The following NPC1L1 variants were observed in gnomAD, a reference collection of about 807,000 sequenced individuals.
NPC1L1 encodes the protein NPC1 like intracellular cholesterol transporter 1.
Under a neutral mutation model 117.0 loss-of-function variants are expected in NPC1L1, and 98 were observed. The ratio of observed to expected loss-of-function variants is 0.84; its 90% CI spans 0.71 to 0.99. The LOEUF is 0.99. NPC1L1 is among the 50% of genes least tolerant of loss of function. The pLI, the probability that NPC1L1 is intolerant of heterozygous loss-of-function variation, is 0.00. For missense variants in NPC1L1, 1,540 were observed against 1,710.0 expected (o/e 0.90, Z 1.75); for synonymous variants, 729 against 727.6 (o/e 1.00, Z -0.03).
Position 44,539,596 on chromosome 7 carries a change from G to A in NPC1L1, c.801C>T (p.Ala267=), listed in dbSNP as rs114969055. ...AGGTGGAGTCGAGGGCCTGGGGGCG[G>A]GCTATGGCAGGACAGGATGCAGCAC... ...QDCAASCPAI[A]RPQALDSTFY... is the part of the protein sequence containing the mutation. The change falls in exon 2 of 19, where the codon GCC becomes GCT. Residue 267 remains alanine (A), a synonymous_variant. Transcript: ENST00000381160. This position sits in a 1 kb window ranked among gnomAD's most constrained non-coding sequence, Gnocchi z 4.4. 211 of 1,613,972 alleles carry A rather than the reference G, an allele frequency of 1.3e-4. No individual in the cohort carries two copies. In the East Asian group the frequency reaches 3.0e-3, roughly 23 times the overall value.
At chr7:44,530,260 C>A (rs932654744) in intron 10 of NPC1L1, among the ~76,000 whole-genome samples, 1 of 152,068 alleles carries the variant, frequency 6.6e-6, no homozygotes, top group Non-Finnish European at 1.5e-5. Flanking sequence ...ATCACTTGAA[C>A]CCGGGAGGCG....
Position 44,513,099 on chromosome 7 carries a change from C to T in NPC1L1, c.*348G>A, listed in dbSNP as rs1050301284. The stretch of plus-strand genomic sequence containing the variant: ...AGAATTAAGACTTTCGAGAGAGGAA[C>T]TGAGAAGGGAAAAGTTGGATGAGAA... On this transcript the variant is annotated 3_prime_UTR_variant, in exon 19 of 19. Coordinates refer to ENST00000381160, the MANE Select transcript of NPC1L1 (RefSeq NM_001101648.2). The T allele has an allele frequency of 1.0e-4, 39 of 376,958 alleles. 2 individuals are homozygous for T. Among genetic ancestry groups the T allele is most frequent in the Non-Finnish European group, 5.1e-6 (1 of 196,126 alleles). 23.4% of individuals were successfully genotyped at this position (376,958 alleles called of 1,614,324 possible).
At position 44,536,797 on chromosome 7, in the gene NPC1L1, A is replaced by G. The variant is rs752104782; in HGVS notation, c.1681+45T>C. ...CCTCCCGTCTATGGTTCCTGCCCCA[A>G]TACTGCATCTTCCTTGGCTTCCTCT... On this transcript the variant is annotated intron_variant, in intron 3 of 18. Transcript: ENST00000381160. The surrounding 1 kb of genome is among the most constrained non-coding windows in gnomAD (Gnocchi z 4.7). 5.9e-6 allele frequency: 9 copies of G among 1,525,372 alleles called. No individual in the cohort carries two copies. The highest frequency in any genetic ancestry group is 8.2e-6 in the Non-Finnish European group (9 of 1,099,468). The allele number at this position is 1,525,372 out of a possible 1,614,324, so 94.5% of individuals were successfully genotyped here.
chr7:44,531,567 T>G (rs1295829498), intron 10 of NPC1L1, among the ~76,000 whole-genome samples, 188 bp downstream of exon 10: 1 of 152,184 alleles, frequency 6.6e-6, no homozygotes, highest in African/African-American at 2.4e-5. Flanking sequence ...GGCACCTGGC[T>G]GTTGTGCTGT....
At chr7:44,532,029 C>T (rs41279627) in intron 9 of NPC1L1, 51 bp downstream of exon 9, 69,795 of 1,613,360 alleles carry the variant, frequency 0.043, 1,717 homozygotes, top group Middle Eastern at 0.062. Flanking sequence ...CTCCCTGAGG[C>T]GAGGTCCCCA....
rs1453016692 is a variant in NPC1L1, at chr7:44,513,340, C to T, written c.*107G>A. 2 of 1,095,926 alleles carry T rather than the reference C, an allele frequency of 1.8e-6. No homozygotes were observed. Among genetic ancestry groups the T allele is most frequent in the Non-Finnish European group, 2.8e-6 (2 of 721,378 alleles). 67.9% of individuals were successfully genotyped at this position (1,095,926 alleles called of 1,614,324 possible). ...GTGACAGGCAGTCTCATGGGAATGG[C>T]CTCCCCTAGGATTTGAGGAGGGCGT... On this transcript the variant is annotated 3_prime_UTR_variant, in exon 19 of 19. Coordinates refer to ENST00000381160, the MANE Select transcript of NPC1L1 (RefSeq NM_001101648.2).
intron 10 of NPC1L1, among the ~76,000 whole-genome samples, chr7:44,531,228 T>A (rs1801689925): frequency 1.3e-5 from 2 of 152,138 alleles, no homozygotes; most frequent in Non-Finnish European, 1.5e-5. Flanking sequence ...ATCAGCACTC[T>A]CCCCGACCAT....
rs1801961213 is a variant in NPC1L1, at chr7:44,538,287, C to T, written c.1580+530G>A. Reference sequence around the variant, plus strand: ...AGAGTGGACAGAACCAAAGACCGAACCCCAATCAATAGAAGTGTGTGTGGC... The same window carrying T: ...AGAGTGGACAGAACCAAAGACCGAATCCCAATCAATAGAAGTGTGTGTGGC... On this transcript the variant is annotated intron_variant, in intron 2 of 18. Coordinates refer to ENST00000381160, the MANE Select transcript of NPC1L1 (RefSeq NM_001101648.2). The surrounding 1 kb of genome is among the most constrained non-coding windows in gnomAD (Gnocchi z 5.9). 6.6e-6 allele frequency among the ~76,000 whole-genome samples: 1 copy of T among 152,206 alleles called. No homozygotes were observed. Among genetic ancestry groups the T allele is most frequent in the South Asian group, 2.1e-4 (1 of 4,832 alleles).
rs374779792 is a variant in NPC1L1, at chr7:44,541,282, C to T, written c.-23G>A. ...CATCCCAGGTCTGGGAAGGGGTCAGCGGGGAGCCAGGCCAGGCCTCAGGAA... is the reference window on the plus strand; with the variant it reads ...CATCCCAGGTCTGGGAAGGGGTCAGTGGGGAGCCAGGCCAGGCCTCAGGAA... On this transcript the variant is annotated 5_prime_UTR_variant, in exon 1 of 19. Transcript: ENST00000381160. 4.3e-5 allele frequency: 66 copies of T among 1,548,730 alleles called. No individual in the cohort carries two copies. In the African/African-American group the frequency reaches 6.4e-4, roughly 15 times the overall value.
At chr7:44,521,577 T>A in intron 12 of NPC1L1, 135 bp downstream of exon 12, 2 of 1,416,602 alleles carry the variant, frequency 1.4e-6, no homozygotes, top group Non-Finnish European at 2.0e-6. Context: ...TCAGGCCACA[T>A]CTGCACCCAT....
chr7:44,521,684 C>G, intron 12 of NPC1L1, 28 bp downstream of exon 12: 2 of 1,613,880 alleles, frequency 1.2e-6, no homozygotes, highest in Non-Finnish European at 1.7e-6. Flanking sequence ...CTGTGGTGGA[C>G]AGTGAGTCCC....
In NPC1L1 at chr7:44,536,027, C is replaced by A; in HGVS notation, c.1855-59G>T. The A allele has an allele frequency of 6.2e-7, 1 of 1,611,436 alleles. No homozygotes were observed. Among genetic ancestry groups the A allele is most frequent in the African/African-American group, 1.3e-5 (1 of 74,980 alleles). ...CGTGCCTGCTTCAGCCAGGCCAGCTCTCAATAGCTCGGTCACTGGGCACTA... is the reference window on the plus strand; with the variant it reads ...CGTGCCTGCTTCAGCCAGGCCAGCTATCAATAGCTCGGTCACTGGGCACTA... On this transcript the variant is annotated intron_variant, in intron 4 of 18. Transcript: ENST00000381160. The surrounding 1 kb of genome is among the most constrained non-coding windows in gnomAD (Gnocchi z 4.7).
At chr7:44,527,105 G>A (rs890591511) in intron 10 of NPC1L1, among the ~76,000 whole-genome samples, 3 of 152,074 alleles carry the variant, frequency 2.0e-5, no homozygotes, top group Non-Finnish European at 2.9e-5. Flanking sequence ...GAAGGAATTC[G>A]TTATCACTAG....
chr7:44,513,621 C>T lies in NPC1L1; in HGVS notation c.3825G>A (p.Leu1275=). The T allele has an allele frequency of 6.2e-7, 1 of 1,613,536 alleles. No homozygotes were observed. The highest frequency in any genetic ancestry group is 8.5e-7 in the Non-Finnish European group (1 of 1,180,026). Residue 1275 remains leucine (L), a synonymous_variant, in exon 19 of 19, where the codon CTG becomes CTA. Coordinates refer to ENST00000381160, the MANE Select transcript of NPC1L1 (RefSeq NM_001101648.2). ...CCGCCTCCTCAGCCCGCTTCTGCTC[C>T]AGTGCCAGAGCCGGGTTAACGTCAG... ...VGPDVNPALA[L]EQKRAEEAVA...
At chr7:44,518,556 C>A (rs564246030) in intron 14 of NPC1L1, 72 of 343,450 alleles carry the variant, frequency 2.1e-4, no homozygotes, top group African/African-American at 1.4e-3. Flanking sequence ...GTAATCCCAG[C>A]TACTAGGGAG....
chr7:44,531,673 A>AC (rs891615440), intron 10 of NPC1L1, 82 bp downstream of exon 10: 113 of 1,246,618 alleles, frequency 9.1e-5, no homozygotes, highest in Middle Eastern at 2.5e-4. Flanking sequence ...TGGCCGGAGG[A>AC]CCCCCCAACC....
chr7:44,513,721 G>A (rs1031139946), intron 18 of NPC1L1, 72 bp from the exon 19 acceptor site: 1 of 1,542,998 alleles, frequency 6.5e-7, no homozygotes, highest in Non-Finnish European at 8.8e-7. Flanking sequence ...TCCTGGTTCT[G>A]TACAACAAAC....
Position 44,532,171 on chromosome 7 carries a change from G to A in NPC1L1, c.2456C>T (p.Pro819Leu). ...VCCCVKPQEL[P>L]PPGQGEGLLL... ...GAGCCCCTCTCCCTGGCCAGGCGGG[G>A]GCAGCTCCTGGGGCTTGACACAGCA... The change falls in exon 9 of 19, where the codon CCC becomes CTC. Residue 819 changes from proline (P) to leucine (L), a missense_variant. Coordinates refer to ENST00000381160, the MANE Select transcript of NPC1L1 (RefSeq NM_001101648.2). 6.2e-7 allele frequency: 1 copy of A among 1,614,002 alleles called. No homozygotes were observed. The highest frequency in any genetic ancestry group is 1.3e-5 in the African/African-American group (1 of 75,020).
rs539780566 is a variant in NPC1L1 at position 44,531,233 on chromosome 7, G to A, written c.2637+522C>T. ...AGGCTGGGCAATCAGCACTCTCCCC[G>A]ACCATGCCCTTGGCCTCCAGCTCAT... On this transcript the variant is annotated intron_variant, in intron 10 of 18. Transcript: ENST00000381160. Among the ~76,000 whole-genome samples, 17 of 152,228 alleles carry A rather than the reference G, an allele frequency of 1.1e-4. 1 individual carries two copies. Among genetic ancestry groups the A allele is most frequent in the African/African-American group, 3.9e-4 (16 of 41,552 alleles).
Sources: allele counts gnomAD v4.1 joint callset (sites outside exome capture counted in the v4.1 genomes callset), GRCh38; gene constraint gnomAD v4.1.1; non-coding constraint Gnocchi (gnomAD v3.1); transcripts MANE v1.5; gene names NCBI Gene and HGNC (gene_info 2026-07-23, HGNC 2026-07-21).